Variants in HRAS observed in about 807,000 individuals in gnomAD.
The protein encoded by HRAS is GTPase HRas.
In HRAS, 11 loss-of-function variants were observed where a neutral mutation model predicts 19.8. The observed-to-expected ratio is 0.55, with a 90% confidence interval of 0.35 to 0.92. HRAS has a LOEUF of 0.92. Ranked by LOEUF, HRAS falls within the 40% of genes least tolerant of loss-of-function variation. The pLI, the probability that HRAS is intolerant of heterozygous loss-of-function variation, is 0.01. For missense variants in HRAS, 204 were observed against 255.9 expected, an observed-to-expected ratio of 0.80 and a Z score of 1.38; for synonymous variants, 149 against 105.5, an observed-to-expected ratio of 1.41 and a Z score of -2.52.
intron 5 of HRAS, 38 bp downstream of exon 5, chr11:532,592 TC>T: frequency 6.3e-7 from 1 of 1,594,762 alleles, no homozygotes; most frequent in Non-Finnish European, 8.5e-7. Context: ...GCCGGGGTCA[TC>T]CGGTGGGCGT....
intron 2 of HRAS, 129 bp from the exon 3 acceptor site, chr11:534,073 C>T: frequency 1.7e-6 from 2 of 1,183,172 alleles, no homozygotes; most frequent in Admixed American, 1.8e-5. Context: ...AGACGAGGGA[C>T]TCCCCTCCTC....
chr11:534,047 C>T, intron 2 of HRAS, 103 bp from the exon 3 acceptor site: 4 of 1,350,086 alleles, frequency 3.0e-6, no homozygotes, highest in African/African-American at 1.4e-5. Flanking sequence ...ATGCCCCCTC[C>T]TCTCCTGGGG....
chr11:534,399 C>T, intron 1 of HRAS, 24 bp from the exon 2 acceptor site: 1 of 1,141,952 alleles, frequency 8.8e-7, no homozygotes, highest in Non-Finnish European at 1.3e-6. Context: ...CCCTGCTCAG[C>T]CAGGCCCAGG....
At position 534,137 on chromosome 11, in the gene HRAS, G is replaced by A. The variant is rs1228359974; in HGVS notation, c.111+75C>T. On this transcript the variant is annotated intron_variant, in intron 2 of 5. Transcript: ENST00000311189. ...ACCATGCAGGGGACCAGGGGCTGCAGCCAGCCCTATCCTGGCTGTGTCCTG... is the reference window on the plus strand; with the variant it reads ...ACCATGCAGGGGACCAGGGGCTGCAACCAGCCCTATCCTGGCTGTGTCCTG... 1.3e-5 allele frequency: 17 copies of A among 1,302,378 alleles called. No homozygotes were observed. The Admixed American group carries it at 2.6e-4, about 20-fold the overall frequency. The allele number at this position is 1,302,378 out of a possible 1,614,324, so 80.7% of individuals were successfully genotyped here. A position where few individuals can be genotyped will look rare whatever the true frequency, so the allele number is the denominator to read the frequency against.
chr11:534,327 C>T lies in HRAS; in HGVS notation c.-5G>A, dbSNP rs879083675. Reference sequence around the variant, plus strand: ...CACCAGCTTATATTCCGTCATCGCTCCTCAGGGGCCTGCGGCCCGGGGTCC... The same window carrying T: ...CACCAGCTTATATTCCGTCATCGCTTCTCAGGGGCCTGCGGCCCGGGGTCC... On this transcript the variant is annotated 5_prime_UTR_variant, in exon 2 of 6. Coordinates refer to ENST00000311189, the MANE Select transcript of HRAS (RefSeq NM_005343.4). 1.2e-6 allele frequency: 2 copies of T among 1,609,800 alleles called. No individual in the cohort carries two copies. The highest frequency in any genetic ancestry group is 2.2e-5 in the South Asian group (2 of 91,048).
chr11:535,325 C>A (rs1174253977), intron 1 of HRAS, 91 bp downstream of exon 1: 1 of 146,268 alleles, frequency 6.8e-6, no homozygotes, highest in South Asian at 1.8e-4. Flanking sequence ...TTACGCCCGC[C>A]GGCCCCGCGC....
rs1281891674 is a variant in HRAS at position 532,853 on chromosome 11, G to A, written c.451-98C>T. On this transcript the variant is annotated intron_variant, in intron 4 of 5. Coordinates refer to ENST00000311189, the MANE Select transcript of HRAS (RefSeq NM_005343.4). Reference sequence around the variant, plus strand: ...GGGATCAAGCCTTGCCTGGCCCGAAGCTCCCGACTCCACCAGCCACTTCCC... The same window carrying A: ...GGGATCAAGCCTTGCCTGGCCCGAAACTCCCGACTCCACCAGCCACTTCCC... 1.6e-5 allele frequency: 20 copies of A among 1,227,412 alleles called. 1 individual carries two copies. The East Asian group carries it at 4.4e-4, about 27-fold the overall frequency. 76.0% of individuals were successfully genotyped at this position (1,227,412 alleles called of 1,614,324 possible).
In HRAS at chr11:532,474, C is replaced by A. The variant is rs780355683; in HGVS notation, c.*54G>T. ...TTCCGTCCTTCCTTCCTCCTCCTTC[C>A]GTCTGCACCTCCTTCCTGCATCCGG... On this transcript the variant is annotated 3_prime_UTR_variant, in exon 6 of 6. Transcript: ENST00000311189. 3.2e-6 allele frequency: 3 copies of A among 949,866 alleles called. No homozygotes were observed. Among genetic ancestry groups the A allele is most frequent in the Non-Finnish European group, 4.7e-6 (3 of 635,844 alleles). 58.8% of individuals were successfully genotyped at this position (949,866 alleles called of 1,614,324 possible). A position where few individuals can be genotyped will look rare whatever the true frequency, so the allele number is the denominator to read the frequency against.
rs1851313358 is a variant in HRAS at position 534,195 on chromosome 11, G to A, written c.111+17C>T. Reference sequence around the variant, plus strand: ...CCGCAGCAGCTGCTGGCACCTGGACGGCGGCGCCAGGCTCACCTCTATAGT... The same window carrying A: ...CCGCAGCAGCTGCTGGCACCTGGACAGCGGCGCCAGGCTCACCTCTATAGT... On this transcript the variant is annotated intron_variant, in intron 2 of 5. Coordinates refer to ENST00000311189, the MANE Select transcript of HRAS (RefSeq NM_005343.4). 3 of 1,585,132 alleles carry A rather than the reference G, an allele frequency of 1.9e-6. No individual in the cohort carries two copies. Among genetic ancestry groups the A allele is most frequent in the Admixed American group, 1.7e-5 (1 of 59,972 alleles).
In HRAS at chr11:533,520, C is replaced by A. The variant is rs1554884794; in HGVS notation, c.383G>T (p.Arg128Leu). Residue 128 changes from arginine to leucine, a missense_variant, in exon 4 of 6, where the codon CGG (arginine) becomes CTG (leucine). Transcript: ENST00000311189. The part of the protein sequence containing the change: ...CDLAARTVES[R>L]QAQDLARSYG... ...GCTTCGGGCGAGGTCCTGAGCCTGC[C>A]GAGATTCCACAGTGCGTGCAGCCAG... 2 of 1,613,798 alleles carry A rather than the reference C, an allele frequency of 1.2e-6. No homozygotes were observed. The highest frequency in any genetic ancestry group is 1.7e-6 in the Non-Finnish European group (2 of 1,179,990).
chr11:533,601 T>G lies in HRAS; in HGVS notation c.302A>C (p.Lys101Thr), dbSNP rs1131691997. ...CACGTCATCCGAGTCCTTCACCCGTTTGATCTGCTCCCTGAGAGGTGGAAA... is the reference window on the plus strand; with the variant it reads ...CACGTCATCCGAGTCCTTCACCCGTGTGATCTGCTCCCTGAGAGGTGGAAA... ...EDIHQYREQI[K>T]RVKDSDDVPM... The change falls in exon 4 of 6, where the codon AAA becomes ACA. Residue 101 changes from lysine to threonine, a missense_variant. Around this residue, in one of 4 missense-constraint regions of HRAS, gnomAD observed 142 missense variants for 141.1 expected, o/e 1.01. Transcript: ENST00000311189. 6.2e-7 allele frequency: 1 copy of G among 1,613,796 alleles called. No individual in the cohort carries two copies. The highest frequency in any genetic ancestry group is 8.5e-7 in the Non-Finnish European group (1 of 1,179,968).
chr11:533,796 G>A lies in HRAS; in HGVS notation c.260C>T (p.Thr87Ile), dbSNP rs1851272986. 6.2e-7 allele frequency: 1 copy of A among 1,613,406 alleles called. No individual in the cohort carries two copies. Reference sequence around the variant, plus strand: ...CTGGTGGATGTCCTCAAAAGACTTGGTGTTGTTGATGGCAAACACACACAG... The same window carrying A: ...CTGGTGGATGTCCTCAAAAGACTTGATGTTGTTGATGGCAAACACACACAG... ...GFLCVFAINN[T>I]KSFEDIHQYR... Residue 87 changes from threonine (T) to isoleucine (I), a missense_variant, in exon 3 of 6, where the codon ACC becomes ATC. Thr to Ile is a moderately conservative substitution (Grantham distance 89). Transcript: ENST00000311189.
rs759743352 is a variant in HRAS at position 534,194 on chromosome 11, C to G, written c.111+18G>C. The stretch of plus-strand genomic sequence containing the variant: ...CCCGCAGCAGCTGCTGGCACCTGGA[C>G]GGCGGCGCCAGGCTCACCTCTATAG... On this transcript the variant is annotated intron_variant, in intron 2 of 5. Coordinates refer to ENST00000311189, the MANE Select transcript of HRAS (RefSeq NM_005343.4). 6.3e-7 allele frequency: 1 copy of G among 1,583,014 alleles called. No homozygotes were observed. Among genetic ancestry groups the G allele is most frequent in the East Asian group, 2.2e-5 (1 of 44,740 alleles).
intron 2 of HRAS, 42 bp from the exon 3 acceptor site, chr11:533,986 G>A (rs770511125): frequency 5.7e-6 from 9 of 1,590,766 alleles, no homozygotes; most frequent in Non-Finnish European, 6.8e-6. Flanking sequence ...AGGACCTTCC[G>A]TGGGGGGAGT....
At position 532,428 on chromosome 11, in the gene HRAS, A is replaced by C. The variant is rs891861513; in HGVS notation, c.*100T>G. The C allele has an allele frequency of 7.1e-6, 5 of 702,318 alleles. No individual in the cohort carries two copies. The highest frequency in any genetic ancestry group is 1.8e-5 in the South Asian group (1 of 54,888). 43.5% of individuals were successfully genotyped at this position (702,318 alleles called of 1,614,324 possible). The stretch of plus-strand genomic sequence containing the variant: ...GGTCCCGGGGTGACTGGGCTCCAGC[A>C]GCCCTTCCTTCCTTCCTTGCTTCCG... On this transcript the variant is annotated 3_prime_UTR_variant, in exon 6 of 6. Coordinates refer to ENST00000311189, the MANE Select transcript of HRAS (RefSeq NM_005343.4).
chr11:533,816 A>G lies in HRAS; in HGVS notation c.240T>C (p.Cys80=), dbSNP rs2133990288. 1.2e-6 allele frequency: 2 copies of G among 1,613,380 alleles called. No individual in the cohort carries two copies. Among genetic ancestry groups the G allele is most frequent in the Non-Finnish European group, 1.7e-6 (2 of 1,180,004 alleles). Reference sequence around the variant, plus strand: ...ACTTGGTGTTGTTGATGGCAAACACACACAGGAAGCCCTCCCCGGTGCGCA... The same window carrying G: ...ACTTGGTGTTGTTGATGGCAAACACGCACAGGAAGCCCTCCCCGGTGCGCA... ...QYMRTGEGFL[C]VFAINNTKSF... The change falls in exon 3 of 6, where the codon TGT becomes TGC. Residue 80 remains cysteine, a synonymous_variant. Transcript: ENST00000311189.
chr11:535,250 C>T (rs1851400024), intron 1 of HRAS, 166 bp downstream of exon 1: 1 of 148,604 alleles, frequency 6.7e-6, no homozygotes, highest in Admixed American at 6.7e-5. Context: ...CCCCGACGCC[C>T]GCTCACCTGT....
rs935807529 is a variant in HRAS at position 534,032 on chromosome 11, C to T, written c.112-88G>A. On this transcript the variant is annotated intron_variant, in intron 2 of 5. Coordinates refer to ENST00000311189, the MANE Select transcript of HRAS (RefSeq NM_005343.4). Reference sequence around the variant, plus strand: ...AGCCTCTCCCTGGTACCTCTCATGCCCCTCATGCCCCCTCCTCTCCTGGGG... The same window carrying T: ...AGCCTCTCCCTGGTACCTCTCATGCTCCTCATGCCCCCTCCTCTCCTGGGG... 2.0e-5 allele frequency: 28 copies of T among 1,392,850 alleles called. No individual in the cohort carries two copies. The African/African-American group carries it at 2.5e-4, about 13-fold the overall frequency. 86.3% of individuals were successfully genotyped at this position (1,392,850 alleles called of 1,614,324 possible).
chr11:534,398 GCCAGGC>G (rs866868599), intron 1 of HRAS, 23 bp from the exon 2 acceptor site: 5 of 1,230,144 alleles, frequency 4.1e-6, no homozygotes, highest in Non-Finnish European at 5.8e-6. Context: ...GCCCTGCTCA[GCCAGGC>G]CCAGGCCCAG....
Sources: gnomAD v4.1 joint callset for allele counts on GRCh38, gnomAD v4.1.1 for gene constraint, gnomAD v4.1.1 regional missense constraint, MANE v1.5 for transcripts, NCBI Gene and HGNC (gene_info 2026-07-23, HGNC 2026-07-21) for gene names.